CACNA2D4: variants seen among roughly 807,000 people sequenced by gnomAD.
CACNA2D4 encodes calcium voltage-gated channel auxiliary subunit alpha2delta 4.
CACNA2D4 carries 157 observed loss-of-function variants against 163.8 expected under a neutral mutation model. That is an observed-to-expected ratio of 0.96 (90% confidence interval 0.84 to 1.09). CACNA2D4 has a LOEUF of 1.09. CACNA2D4 is among the 50% of genes least tolerant of loss of function. The pLI is 0.00. For missense variants in CACNA2D4, 1,410 were observed against 1,479.9 expected (o/e 0.95, Z 0.78); for synonymous variants, 598 against 586.9 (o/e 1.02, Z -0.27).
chr12:1,810,699 AT>A, intron 27 of CACNA2D4, 112 bp from the exon 28 acceptor site: 1 of 1,106,160 alleles, frequency 9.0e-7, no homozygotes, highest in Non-Finnish European at 1.3e-6. Flanking sequence ...GCATGTGTGC[AT>A]GGGGTGTGTA....
At position 1,856,009 on chromosome 12, in the gene CACNA2D4, C is replaced by T. The variant is rs774155284; in HGVS notation, c.2152+3G>A. On this transcript the variant is annotated splice_donor_region_variant and intron_variant, in intron 22 of 37. Coordinates refer to ENST00000382722, the MANE Select transcript of CACNA2D4 (RefSeq NM_172364.5). ...CTTGCCTCAGTGGGCGGCCAGCACT[C>T]ACACTCCAGGTCTGGGTCCTTCCTG... The T allele has an allele frequency of 5.0e-6, 8 of 1,612,576 alleles. No homozygotes were observed. Among genetic ancestry groups the T allele is most frequent in the Non-Finnish European group, 5.9e-6 (7 of 1,178,698 alleles).
Position 1,917,141 on chromosome 12 carries a change from C to T in CACNA2D4, c.227+1106G>A, listed in dbSNP as rs78625651. 2.6e-5 allele frequency among the ~76,000 whole-genome samples: 4 copies of T among 152,164 alleles called. No individual in the cohort carries two copies. The highest frequency in any genetic ancestry group is 2.1e-4 in the South Asian group (1 of 4,828). ...GCTGACAGGAGTTCAAATCCCAGCA[C>T]CTTCACTTCCTGGCCTTGTGAACTT... On this transcript the variant is annotated intron_variant, in intron 1 of 37. Coordinates refer to ENST00000382722, the MANE Select transcript of CACNA2D4 (RefSeq NM_172364.5). This position sits in a 1 kb window ranked among gnomAD's most constrained non-coding sequence, Gnocchi z 4.3.
chr12:1,824,958 G>A (rs922391268), intron 26 of CACNA2D4, among the ~76,000 whole-genome samples: 2 of 152,226 alleles, frequency 1.3e-5, no homozygotes, highest in African/African-American at 4.8e-5. Flanking sequence ...AGGGACCCAG[G>A]GAGGCAGGAT....
At chr12:1,916,284 T>TG in intron 1 of CACNA2D4, among the ~76,000 whole-genome samples, 1 of 152,274 alleles carries the variant, frequency 6.6e-6, no homozygotes, top group South Asian at 2.1e-4. Context: ...GTTGTAGAGC[T>TG]ACCAAGTACC....
chr12:1,904,413 T>TG (rs1866607384), intron 6 of CACNA2D4, among the ~76,000 whole-genome samples: 1 of 6,980 alleles, frequency 1.4e-4, no homozygotes, highest in South Asian at 2.3e-3. Flanking sequence ...CTTGAGGCAA[T>TG]GGTATCCCAT....
Position 1,860,119 on chromosome 12 carries a change from G to A in CACNA2D4, c.1940+26C>T, listed in dbSNP as rs189796942. 6.6e-3 allele frequency: 10,418 copies of A among 1,590,246 alleles called. 41 individuals carry two copies. The highest frequency in any genetic ancestry group is 8.2e-3 in the Non-Finnish European group (9,468 of 1,158,744). Reference sequence around the variant, plus strand: ...GGTATTCATGTTCAACCCTCACCCCGTGCAAATAAAGCCTGTGTCCCTCAC... The same window carrying A: ...GGTATTCATGTTCAACCCTCACCCCATGCAAATAAAGCCTGTGTCCCTCAC... On this transcript the variant is annotated intron_variant, in intron 19 of 37. Coordinates refer to ENST00000382722, the MANE Select transcript of CACNA2D4 (RefSeq NM_172364.5).
rs1487769219 is a variant in CACNA2D4 at position 1,806,710 on chromosome 12, G to GA, written c.2721+3567dup. Among the ~76,000 whole-genome samples, 1 of 152,170 alleles carries GA rather than the reference G, an allele frequency of 6.6e-6. No homozygotes were observed. The highest frequency in any genetic ancestry group is 1.5e-5 in the Non-Finnish European group (1 of 68,026). ...AACCCACCATGCACCCAGTCACCTG[G>GA]AGGGCCCCTTTGAGCAGACTGCCAG... On this transcript the variant is annotated intron_variant, in intron 29 of 37. Coordinates refer to ENST00000382722, the MANE Select transcript of CACNA2D4 (RefSeq NM_172364.5). The surrounding 1 kb of genome is among the most constrained non-coding windows in gnomAD (Gnocchi z 4.1).
rs1009967361 is a variant in CACNA2D4 at position 1,828,223 on chromosome 12, C to T, written c.2551+12516G>A. ...AGTGGAGGCAAGTCTCCTGTGAGTACACCCCTGGCCTCGGAGGGGGGTGCG... is the reference window on the plus strand; with the variant it reads ...AGTGGAGGCAAGTCTCCTGTGAGTATACCCCTGGCCTCGGAGGGGGGTGCG... On this transcript the variant is annotated intron_variant, in intron 26 of 37. Transcript: ENST00000382722. This position sits in a 1 kb window ranked among gnomAD's most constrained non-coding sequence, Gnocchi z 4.2. 21 of 1,538,860 alleles carry T rather than the reference C, an allele frequency of 1.4e-5. No individual in the cohort carries two copies. The African/African-American group carries it at 1.8e-4, about 13-fold the overall frequency.
In CACNA2D4 at chr12:1,882,920, C is replaced by T. The variant is rs1380738626; in HGVS notation, c.1432G>A (p.Val478Ile). Residue 478 changes from valine to isoleucine, a missense_variant, in exon 13 of 38, where the codon GTC becomes ATC. Transcript: ENST00000382722. ...EYLHVLSRPM[V>I]INHDHDIIWT... ...ATGATGTCGTGGTCGTGGTTGATGA[C>T]CATGGGGCGGCTGAGCACGTGCAGG... 4 of 1,613,796 alleles carry T rather than the reference C, an allele frequency of 2.5e-6. No individual in the cohort carries two copies. The South Asian group carries it at 3.3e-5, about 13-fold the overall frequency.
chr12:1,878,560 A>G lies in CACNA2D4; in HGVS notation c.1645-171T>C. The G allele has an allele frequency of 2.4e-6, 3 of 1,259,468 alleles. No homozygotes were observed. The highest frequency in any genetic ancestry group is 5.1e-5 in the East Asian group (2 of 39,378). The allele number at this position is 1,259,468 out of a possible 1,614,324, so 78.0% of individuals were successfully genotyped here. A position where few individuals can be genotyped will look rare whatever the true frequency, so the allele number is the denominator to read the frequency against. Reference sequence around the variant, plus strand: ...GCCATGCTTCCATCATTGATTGAGGAGTCCTTTCCAAACCGGACTGTTTAT... The same window carrying G: ...GCCATGCTTCCATCATTGATTGAGGGGTCCTTTCCAAACCGGACTGTTTAT... On this transcript the variant is annotated intron_variant, in intron 15 of 37. Coordinates refer to ENST00000382722, the MANE Select transcript of CACNA2D4 (RefSeq NM_172364.5). The surrounding 1 kb of genome is among the most constrained non-coding windows in gnomAD (Gnocchi z 4.6).
Position 1,918,640 on chromosome 12 carries a change from G to C in CACNA2D4, c.-167C>G, listed in dbSNP as rs993879783. ...TCGCCCCACCTAGCAAGCAGGCCTC[G>C]GAGACAGGGACTGGGGGAGAGGCTG... On this transcript the variant is annotated 5_prime_UTR_variant, in exon 1 of 38. Transcript: ENST00000382722. 1 of 577,776 alleles carries C rather than the reference G, an allele frequency of 1.7e-6. No homozygotes were observed. Among genetic ancestry groups the C allele is most frequent in the Non-Finnish European group, 3.0e-6 (1 of 328,092 alleles). 35.8% of individuals were successfully genotyped at this position (577,776 alleles called of 1,614,324 possible). A position where few individuals can be genotyped will look rare whatever the true frequency, so the allele number is the denominator to read the frequency against.
intron 29 of CACNA2D4, among the ~76,000 whole-genome samples, chr12:1,807,010 G>A (rs1041531873): frequency 2.6e-5 from 4 of 151,956 alleles, no homozygotes; most frequent in African/African-American, 7.3e-5. Flanking sequence ...CAATGATCCC[G>A]GCCTCCTGGG....
chr12:1,847,746 C>G (rs994246831), intron 23 of CACNA2D4, among the ~76,000 whole-genome samples: 4 of 152,196 alleles, frequency 2.6e-5, no homozygotes, highest in African/African-American at 7.2e-5. Flanking sequence ...AATCACCAAC[C>G]CGGGGCTGGT....
rs979676588 is a variant in CACNA2D4, at chr12:1,799,778, G to C, written c.2975-83C>G. The C allele has an allele frequency of 4.0e-6, 6 of 1,496,964 alleles. No homozygotes were observed. The African/African-American group carries it at 7.0e-5, about 17-fold the overall frequency. The allele number at this position is 1,496,964 out of a possible 1,614,324, so 92.7% of individuals were successfully genotyped here. A position where few individuals can be genotyped will look rare whatever the true frequency, so the allele number is the denominator to read the frequency against. On this transcript the variant is annotated intron_variant, in intron 33 of 37. Transcript: ENST00000382722. The surrounding 1 kb of genome is among the most constrained non-coding windows in gnomAD (Gnocchi z 4.7). ...CATGAGGGCAGGATGTCATGGGGTG[G>C]TGATGATGGCACATGGAGTGGCGGT...
rs148182117 is a variant in CACNA2D4, at chr12:1,910,049, C to T, written c.427-84G>A. On this transcript the variant is annotated intron_variant, in intron 3 of 37. Transcript: ENST00000382722. ...AGCAAGTGAAACAGTTGCCGGGTGA[C>T]CCAGCAATCCCACTCCTGGGTGTAT... 1.2e-3 allele frequency: 1,243 copies of T among 1,071,270 alleles called. 10 individuals carry two copies. In the African/African-American group the frequency reaches 0.017, roughly 15 times the overall value. The allele number at this position is 1,071,270 out of a possible 1,614,324, so 66.4% of individuals were successfully genotyped here. A position where few individuals can be genotyped will look rare whatever the true frequency, so the allele number is the denominator to read the frequency against.
chr12:1,862,789 C>G (rs527546250), intron 18 of CACNA2D4, among the ~76,000 whole-genome samples: 3 of 152,326 alleles, frequency 2.0e-5, no homozygotes, highest in African/African-American at 7.2e-5. Flanking sequence ...TACGAAGTGT[C>G]TGCTCAGTGC....
chr12:1,886,416 C>A, intron 7 of CACNA2D4, 43 bp from the exon 8 acceptor site: 1 of 1,590,762 alleles, frequency 6.3e-7, no homozygotes, highest in Non-Finnish European at 8.6e-7. Context: ...AAAACCAAAG[C>A]CGGAACCAAT....
At position 1,878,281 on chromosome 12, in the gene CACNA2D4, T is replaced by C. The variant is rs767096804; in HGVS notation, c.1719+34A>G. 4.0e-5 allele frequency: 64 copies of C among 1,590,980 alleles called. No homozygotes were observed. The highest frequency in any genetic ancestry group is 5.2e-5 in the Non-Finnish European group (61 of 1,168,458). On this transcript the variant is annotated intron_variant, in intron 16 of 37. Coordinates refer to ENST00000382722, the MANE Select transcript of CACNA2D4 (RefSeq NM_172364.5). This position sits in a 1 kb window ranked among gnomAD's most constrained non-coding sequence, Gnocchi z 4.6. ...TGAATTACCCCCAAATCCCATACAG[T>C]AAGGATCCCAAGGCAAAGAAGATCT...
chr12:1,824,239 C>G lies in CACNA2D4; in HGVS notation c.2552-12516G>C, dbSNP rs181189856. Among the ~76,000 whole-genome samples the G allele has an allele frequency of 3.7e-4, 56 of 152,284 alleles. 1 individual carries two copies. In the East Asian group the frequency reaches 8.7e-3, roughly 24 times the overall value. On this transcript the variant is annotated intron_variant, in intron 26 of 37. Transcript: ENST00000382722. ...GTGCCCGGCCTAGTCGTATCAAACTCAAATATGCATGAAAATCCCCTGGGG... is the reference window on the plus strand; with the variant it reads ...GTGCCCGGCCTAGTCGTATCAAACTGAAATATGCATGAAAATCCCCTGGGG...
Sources: allele counts gnomAD v4.1 joint callset (sites outside exome capture counted in the v4.1 genomes callset), GRCh38; gene constraint gnomAD v4.1.1; non-coding constraint Gnocchi (gnomAD v3.1); transcripts MANE v1.5; gene names NCBI Gene and HGNC (gene_info 2026-07-23, HGNC 2026-07-21).